MORN1: variants seen among roughly 807,000 people sequenced by gnomAD.
MORN1 encodes the protein MORN repeat containing 1.
MORN1 carries 67 observed loss-of-function variants against 61.9 expected under a neutral mutation model. The ratio of observed to expected loss-of-function variants is 1.08; its 90% CI spans 0.89 to 1.33. The LOEUF (loss-of-function observed/expected upper bound fraction) is 1.33, where lower values mean the gene tolerates loss of function less well. MORN1 is among the 40% of genes most tolerant of loss of function. MORN1 has a pLI of 0.00. For missense variants in MORN1, 752 were observed against 691.2 expected, an observed-to-expected ratio of 1.09 and a Z score of -0.99; for synonymous variants, 301 against 292.0, an observed-to-expected ratio of 1.03 and a Z score of -0.31.
At position 2,324,237 on chromosome 1, in the gene MORN1, C is replaced by A. The variant is rs1187459982; in HGVS notation, c.1251-94G>T. Reference sequence around the variant, plus strand: ...TGAACCAGGGCTAGTGGCTCCAGGGCAGATTCAGGGCCCCAGCACAGCAGA... The same window carrying A: ...TGAACCAGGGCTAGTGGCTCCAGGGAAGATTCAGGGCCCCAGCACAGCAGA... On this transcript the variant is annotated intron_variant, in intron 12 of 13. Coordinates refer to ENST00000378531, the MANE Select transcript of MORN1 (RefSeq NM_024848.3). 6.0e-6 allele frequency: 8 copies of A among 1,336,550 alleles called. 1 individual carries two copies. Among genetic ancestry groups the A allele is most frequent in the Non-Finnish European group, 8.3e-6 (8 of 964,206 alleles). The allele number at this position is 1,336,550 out of a possible 1,614,324, so 82.8% of individuals were successfully genotyped here.
At chr1:2,323,387 CAG>C (rs1444621571) in intron 13 of MORN1, 5 of 985,314 alleles carry the variant, frequency 5.1e-6, no homozygotes, top group South Asian at 9.4e-5. Flanking sequence ...GCCAGAACCC[CAG>C]AGACACCAGA....
intron 6 of MORN1, chr1:2,379,067 T>C (rs1170469861): frequency 4.2e-6 from 2 of 471,142 alleles, no homozygotes; most frequent in Admixed American, 4.7e-5. Flanking sequence ...CATTAAGGAA[T>C]ACTGGCTGCA....
At chr1:2,384,479 C>T (rs1642442169) in intron 6 of MORN1, among the ~76,000 whole-genome samples, 1 of 152,244 alleles carries the variant, frequency 6.6e-6, no homozygotes. Context: ...AAACTGCAGA[C>T]ACAGGAGAAG....
At chr1:2,368,706 G>A (rs1221651002) in intron 8 of MORN1, among the ~76,000 whole-genome samples, 2 of 152,138 alleles carry the variant, frequency 1.3e-5, no homozygotes, top group African/African-American at 2.4e-5. Flanking sequence ...AGCCTTTAGG[G>A]AAATGTAAAT....
intron 6 of MORN1, chr1:2,377,092 G>A (rs967913600): frequency 6.6e-6 from 1 of 152,418 alleles, no homozygotes; most frequent in Non-Finnish European, 1.5e-5. Context: ...CTGGGACCGA[G>A]GAATGGGCAT....
chr1:2,335,393 C>A (rs1641243481), intron 12 of MORN1, among the ~76,000 whole-genome samples: 1 of 152,210 alleles, frequency 6.6e-6, no homozygotes, highest in Admixed American at 6.5e-5. Context: ...GCCGGATGGG[C>A]AGAGGCAGAG....
In MORN1 at chr1:2,387,445, C is replaced by T; in HGVS notation, c.332G>A (p.Gly111Glu). ...TTCCCGCATGCCGTGGGAGACCTCC[C>T]CTTCATAACATCCGCCGGCTTTGTA... ...MEYKAGGCYE[G>E]EVSHGMREGH... is the part of the protein sequence containing the mutation. The change falls in exon 4 of 14, where the codon GGG (glycine) becomes GAG (glutamate). Residue 111 changes from glycine to glutamate, a missense_variant. Coordinates refer to ENST00000378531, the MANE Select transcript of MORN1 (RefSeq NM_024848.3). 1 of 1,613,702 alleles carries T rather than the reference C, an allele frequency of 6.2e-7. No homozygotes were observed. The highest frequency in any genetic ancestry group is 8.5e-7 in the Non-Finnish European group (1 of 1,180,010).
chr1:2,379,361 C>T (rs1010825003), intron 6 of MORN1: 9 of 354,676 alleles, frequency 2.5e-5, no homozygotes, highest in East Asian at 1.5e-4. Flanking sequence ...GAACAGCCGG[C>T]GCTGGTTGGG....
intron 10 of MORN1, among the ~76,000 whole-genome samples, chr1:2,341,392 C>T (rs373797727): frequency 1.3e-5 from 2 of 152,138 alleles, no homozygotes; most frequent in Admixed American, 6.5e-5. Context: ...GGCCAAACCA[C>T]TGAAAAGAAA....
rs1220504865 is a variant in MORN1 at position 2,374,507 on chromosome 1, G to A, written c.588C>T (p.Cys196=). 4 of 1,604,164 alleles carry A rather than the reference G, an allele frequency of 2.5e-6. No homozygotes were observed. Among genetic ancestry groups the A allele is most frequent in the Non-Finnish European group, 2.6e-6 (3 of 1,176,064 alleles). ...VFSGLGSMAH[C]SGVTYYGLWI... ...ACAACCCATAATAGGTGACCCCTGA[G>A]CAGTGGGCCATGCTGCCCAGTCCAC... The change falls in exon 7 of 14, where the codon TGC becomes TGT. Residue 196 remains cysteine (C), a synonymous_variant. Coordinates refer to ENST00000378531, the MANE Select transcript of MORN1 (RefSeq NM_024848.3).
intron 7 of MORN1, among the ~76,000 whole-genome samples, chr1:2,373,634 C>A (rs1026509481): frequency 2.6e-5 from 4 of 152,170 alleles, no homozygotes; most frequent in African/African-American, 9.7e-5. Context: ...GACCCAGGCT[C>A]GGCCTCCATC....
chr1:2,353,587 C>T (rs1466331330), intron 10 of MORN1, among the ~76,000 whole-genome samples: 1 of 152,268 alleles, frequency 6.6e-6, no homozygotes, highest in Non-Finnish European at 1.5e-5. Flanking sequence ...GCCATGATTA[C>T]TTTAGTTTTC....
chr1:2,384,822 GGA>G (rs1642452799), intron 6 of MORN1, among the ~76,000 whole-genome samples, 154 bp downstream of exon 6: 1 of 152,230 alleles, frequency 6.6e-6, no homozygotes, highest in Non-Finnish European at 1.5e-5. Flanking sequence ...AACTGTGAGG[GGA>G]GAGAGAAACT....
chr1:2,390,599 G>A (rs1570063897), intron 1 of MORN1: 4 of 985,400 alleles, frequency 4.1e-6, no homozygotes, highest in African/African-American at 1.7e-5. Context: ...GGGTTTATGG[G>A]AAAATGTCGG....
At position 2,372,876 on chromosome 1, in the gene MORN1, C is replaced by T. The variant is rs141494234; in HGVS notation, c.635-285G>A. Reference sequence around the variant, plus strand: ...GGAGCATGCAAGAGACACAAGTGGGCGGTGTGGGGCTGTTGGGTTTTCCTG... The same window carrying T: ...GGAGCATGCAAGAGACACAAGTGGGTGGTGTGGGGCTGTTGGGTTTTCCTG... On this transcript the variant is annotated intron_variant, in intron 7 of 13. Coordinates refer to ENST00000378531, the MANE Select transcript of MORN1 (RefSeq NM_024848.3). This position sits in a 1 kb window ranked among gnomAD's most constrained non-coding sequence, Gnocchi z 5.4. Among the ~76,000 whole-genome samples, 2 of 152,336 alleles carry T rather than the reference C, an allele frequency of 1.3e-5. No individual in the cohort carries two copies. The highest frequency in any genetic ancestry group is 4.8e-5 in the African/African-American group (2 of 41,584).
At chr1:2,359,925 C>G (rs1641857444) in intron 8 of MORN1, among the ~76,000 whole-genome samples, 1 of 151,948 alleles carries the variant, frequency 6.6e-6, no homozygotes, top group African/African-American at 2.4e-5. Flanking sequence ...GGAAGGAGAC[C>G]AGTCCGGTGC....
At chr1:2,383,821 A>C (rs1642425557) in intron 6 of MORN1, among the ~76,000 whole-genome samples, 2 of 152,130 alleles carry the variant, frequency 1.3e-5, no homozygotes, top group South Asian at 4.2e-4. Context: ...CTAGTGCCTC[A>C]CGCCCAGCAT....
chr1:2,387,698 G>A (rs927862276), intron 3 of MORN1, 169 bp from the exon 4 acceptor site: 2 of 614,512 alleles, frequency 3.3e-6, no homozygotes, highest in Admixed American at 5.1e-5. Flanking sequence ...ATGGTAAGCA[G>A]GTCTGGTCTC....
intron 4 of MORN1, 167 bp from the exon 5 acceptor site, chr1:2,386,064 A>C: frequency 1.6e-6 from 1 of 627,260 alleles, no homozygotes; most frequent in Non-Finnish European, 2.9e-6. Flanking sequence ...ACCTGGCTAC[A>C]CAGAGGCCTC....
Sources: gnomAD v4.1 joint callset for allele counts (sites outside exome capture counted in the v4.1 genomes callset) on GRCh38, gnomAD v4.1.1 for gene constraint, Gnocchi (gnomAD v3.1) non-coding constraint, MANE v1.5 for transcripts, NCBI Gene and HGNC (gene_info 2026-07-23, HGNC 2026-07-21) for gene names.